TLE3: variants seen among roughly 807,000 people sequenced by gnomAD.
TLE3 encodes the protein TLE family member 3, transcriptional corepressor.
In TLE3, 14 loss-of-function variants were observed where a neutral mutation model predicts 93.0. That is an observed-to-expected ratio of 0.15 (90% CI 0.10 to 0.24). The LOEUF (loss-of-function observed/expected upper bound fraction) is 0.24. Among genes scored for constraint, TLE3 ranks in the 10% least tolerant of loss-of-function variants. The pLI is 1.00. For synonymous variants in TLE3, 451 were observed against 425.0 expected, an observed-to-expected ratio of 1.06 and a Z score of -0.75; for missense variants, 693 against 1,046.6, an observed-to-expected ratio of 0.66 and a Z score of 4.66.
Position 70,052,384 on chromosome 15 carries a change from G to A in TLE3, c.2115C>T (p.Phe705=), listed in dbSNP as rs544077602. Reference sequence around the variant, plus strand: ...CCATCCAAGGCTCACCGCAGTAGGCGAACTTGAGGGAGAGCACGCAGCTCT... The same window carrying A: ...CCATCCAAGGCTCACCGCAGTAGGCAAACTTGAGGGAGAGCACGCAGCTCT... ...LHESCVLSLK[F]AYCGKWFVST... Residue 705 remains phenylalanine (F), a synonymous_variant, in exon 18 of 20, where the codon TTC becomes TTT. Transcript: ENST00000451782. 27 of 1,613,558 alleles carry A rather than the reference G, an allele frequency of 1.7e-5. No individual in the cohort carries two copies. The highest frequency in any genetic ancestry group is 5.3e-5 in the African/African-American group (4 of 75,042).
intron 5 of TLE3, among the ~76,000 whole-genome samples, chr15:70,075,553 G>A (rs906416477): frequency 3.3e-5 from 5 of 152,246 alleles, no homozygotes; most frequent in Admixed American, 1.3e-4. Context: ...CCTGGCTGGA[G>A]TGAAATCAGA....
intron 7 of TLE3, 35 bp downstream of exon 7, chr15:70,065,979 G>GCCCCCCCCCCCCCCCAGCCCCCCCCCCCC: frequency 9.2e-7 from 1 of 1,089,102 alleles, no homozygotes; most frequent in Non-Finnish European, 1.4e-6. Context: ...GCCCACCCCT[G>GCCCCCCCCCCCCCCCAGCCCCCCCCCCCC]CCCCGCCCCA....
At chr15:70,072,178 TCTGCCTCGAG>T (rs2057217836) in intron 6 of TLE3, among the ~76,000 whole-genome samples, 1 of 152,218 alleles carries the variant, frequency 6.6e-6, no homozygotes, top group East Asian at 1.9e-4. Context: ...AATTCCAATG[TCTGCCTCGAG>T]CTGCCTCGAC....
chr15:70,094,694 G>T (rs994185960), intron 3 of TLE3, 118 bp from the exon 4 acceptor site: 1 of 782,736 alleles, frequency 1.3e-6, no homozygotes, highest in Non-Finnish European at 2.0e-6. Flanking sequence ...ATTTGCTAAA[G>T]AAGTTTAAAT....
At chr15:70,074,005 G>C (rs1478556105) in intron 6 of TLE3, among the ~76,000 whole-genome samples, 2 of 152,256 alleles carry the variant, frequency 1.3e-5, no homozygotes, top group Non-Finnish European at 2.9e-5. Context: ...GAGTTCACAA[G>C]CGTACATGAT....
At chr15:70,050,471 T>C (rs921304009) in intron 19 of TLE3, 1 of 370,694 alleles carries the variant, frequency 2.7e-6, no homozygotes, top group Non-Finnish European at 5.1e-6. Flanking sequence ...GTCTCCCACG[T>C]GATCTTTACA....
At chr15:70,070,042 C>T (rs916043336) in intron 6 of TLE3, among the ~76,000 whole-genome samples, 1 of 152,268 alleles carries the variant, frequency 6.6e-6, no homozygotes, top group African/African-American at 2.4e-5. Context: ...CTGTCTCCAG[C>T]TTATACCATT....
intron 8 of TLE3, among the ~76,000 whole-genome samples, chr15:70,063,721 C>A (rs897947330): frequency 5.3e-5 from 8 of 152,222 alleles, no homozygotes; most frequent in African/African-American, 1.9e-4. Context: ...TGCGCTTATT[C>A]AGAAGGCTTA....
chr15:70,070,817 A>G (rs1211100925), intron 6 of TLE3, among the ~76,000 whole-genome samples: 1 of 152,202 alleles, frequency 6.6e-6, no homozygotes, highest in Middle Eastern at 3.2e-3. Flanking sequence ...CACAAAATTC[A>G]GTCAACTGAA....
At chr15:70,081,299 T>A (rs2057765820) in intron 4 of TLE3, among the ~76,000 whole-genome samples, 1 of 152,218 alleles carries the variant, frequency 6.6e-6, no homozygotes, top group Non-Finnish European at 1.5e-5. Flanking sequence ...TATCATTTCC[T>A]CCATAAAACA....
At chr15:70,066,925 C>A in intron 6 of TLE3, 1 of 386,216 alleles carries the variant, frequency 2.6e-6, no homozygotes, top group Non-Finnish European at 5.3e-6. Flanking sequence ...GTCCTGGAGC[C>A]TCAAATTTCC....
chr15:70,083,491 C>T (rs979511410), intron 4 of TLE3, among the ~76,000 whole-genome samples: 2 of 150,884 alleles, frequency 1.3e-5, no homozygotes, highest in Admixed American at 1.3e-4. Flanking sequence ...CCCAACACTG[C>T]CCATTCATCC....
chr15:70,063,811 C>A (rs8039718), intron 8 of TLE3, among the ~76,000 whole-genome samples: 1 of 152,118 alleles, frequency 6.6e-6, no homozygotes, highest in Admixed American at 6.5e-5. Context: ...GACACGCAGG[C>A]GGCCTGGCCT....
intron 8 of TLE3, among the ~76,000 whole-genome samples, chr15:70,062,050 G>A (rs960656074): frequency 2.6e-5 from 4 of 152,204 alleles, no homozygotes; most frequent in African/African-American, 4.8e-5. Context: ...GGAATAGTGC[G>A]GCAACCAGCC....
chr15:70,055,569 T>G, intron 14 of TLE3: 2 of 371,262 alleles, frequency 5.4e-6, no homozygotes, highest in Non-Finnish European at 4.8e-6. Flanking sequence ...GAATGCCCTT[T>G]CCCACGATCC....
At chr15:70,063,410 T>G (rs1233427200) in intron 8 of TLE3, among the ~76,000 whole-genome samples, 2 of 152,178 alleles carry the variant, frequency 1.3e-5, no homozygotes, top group Non-Finnish European at 2.9e-5. Flanking sequence ...GTCCTGGATT[T>G]CTGAGCATGT....
At chr15:70,090,484 C>T (rs182735398) in intron 4 of TLE3, among the ~76,000 whole-genome samples, 265 of 152,284 alleles carry the variant, frequency 1.7e-3, no homozygotes, top group Middle Eastern at 3.4e-3. Context: ...TCCTTTGTAA[C>T]CTCATTGCCT....
chr15:70,075,703 G>A (rs151337631), intron 5 of TLE3, among the ~76,000 whole-genome samples: 1 of 152,346 alleles, frequency 6.6e-6, no homozygotes, highest in African/African-American at 2.4e-5. Context: ...GGCGTAGAAA[G>A]TGACATGACC....
chr15:70,075,752 G>C (rs2057411121), intron 5 of TLE3, among the ~76,000 whole-genome samples: 1 of 152,246 alleles, frequency 6.6e-6, no homozygotes. Flanking sequence ...TCTGTACCAG[G>C]AACTGAGGTC....
Sources: allele counts gnomAD v4.1 joint callset (sites outside exome capture counted in the v4.1 genomes callset), GRCh38; gene constraint gnomAD v4.1.1; transcripts MANE v1.5; gene names NCBI Gene and HGNC (gene_info 2026-07-23, HGNC 2026-07-21).